NT5DC1: variants seen among roughly 807,000 people sequenced by gnomAD.
NT5DC1 encodes the protein 5'-nucleotidase domain-containing protein 1.
In NT5DC1, 42 loss-of-function variants were observed where a neutral mutation model predicts 59.4. The observed-to-expected ratio is 0.71, with a 90% CI of 0.55 to 0.92. The LOEUF (loss-of-function observed/expected upper bound fraction) is 0.92, where lower values mean the gene tolerates loss of function less well. NT5DC1 is among the 40% of genes least tolerant of loss of function. The probability of loss-of-function intolerance (pLI) is 0.00; values close to 1 mark genes in which losing one functional copy is unlikely to be tolerated. For synonymous variants in NT5DC1, 172 were observed against 188.1 expected, an observed-to-expected ratio of 0.91 and a Z score of 0.70; for missense variants, 501 against 537.1, an observed-to-expected ratio of 0.93 and a Z score of 0.66.
intron 6 of NT5DC1, among the ~76,000 whole-genome samples, chr6:116,182,283 TTTGA>T (rs1180387565): frequency 5.9e-5 from 9 of 151,410 alleles, no homozygotes; most frequent in Admixed American, 1.3e-4. Context: ...TTATCCACTC[TTTGA>T]TTGATGAACA....
At chr6:116,138,315 T>G (rs1297045089) in intron 6 of NT5DC1, among the ~76,000 whole-genome samples, 1 of 152,214 alleles carries the variant, frequency 6.6e-6, no homozygotes, top group Non-Finnish European at 1.5e-5. Context: ...ATATATTTCT[T>G]TAGGATTTAT....
intron 2 of NT5DC1, 62 bp downstream of exon 2, chr6:116,106,397 T>C (rs1778769309): frequency 2.6e-6 from 2 of 757,330 alleles, no homozygotes; most frequent in Admixed American, 4.6e-5. Flanking sequence ...TAATTGTTAC[T>C]GATAAAACTG....
intron 11 of NT5DC1, 106 bp from the exon 12 acceptor site, chr6:116,243,803 T>C: frequency 1.8e-6 from 1 of 543,406 alleles, no homozygotes; most frequent in East Asian, 3.0e-5. Flanking sequence ...AATATTAAAA[T>C]TTTACGTCTA....
chr6:116,228,904 T>C (rs535405754), intron 8 of NT5DC1, among the ~76,000 whole-genome samples: 1 of 152,268 alleles, frequency 6.6e-6, no homozygotes, highest in Admixed American at 6.5e-5. Flanking sequence ...GTCCTTCAGC[T>C]CTCTACCACT....
At chr6:116,130,824 C>T (rs1221706587) in intron 6 of NT5DC1, among the ~76,000 whole-genome samples, 7 of 151,942 alleles carry the variant, frequency 4.6e-5, no homozygotes, top group Non-Finnish European at 8.8e-5. Context: ...TTGTTTATTC[C>T]ATGATACTCA....
chr6:116,184,638 A>G (rs1224869466), intron 6 of NT5DC1, among the ~76,000 whole-genome samples: 1 of 152,006 alleles, frequency 6.6e-6, no homozygotes, highest in African/African-American at 2.4e-5. Context: ...CCAGGAATTT[A>G]TCCATCTCCT....
chr6:116,131,945 A>G (rs1779477766), intron 6 of NT5DC1, among the ~76,000 whole-genome samples: 1 of 152,058 alleles, frequency 6.6e-6, no homozygotes, highest in Non-Finnish European at 1.5e-5. Context: ...CTGTTCCTGT[A>G]TTAGTTTGCT....
At chr6:116,216,452 A>G (rs1372890808) in intron 6 of NT5DC1, among the ~76,000 whole-genome samples, 2 of 151,434 alleles carry the variant, frequency 1.3e-5, no homozygotes, top group Non-Finnish European at 1.5e-5. Flanking sequence ...GAATTTTTGG[A>G]GTAGGGCCGG....
chr6:116,228,145 G>A (rs1781945024), intron 8 of NT5DC1, among the ~76,000 whole-genome samples: 2 of 152,224 alleles, frequency 1.3e-5, no homozygotes, highest in South Asian at 2.1e-4. Context: ...CTGTAATGAA[G>A]ACTGTAAAGT....
At position 116,245,178 on chromosome 6, in the gene NT5DC1, A is replaced by G. The variant is rs1343226006; in HGVS notation, c.*1154A>G. On this transcript the variant is annotated 3_prime_UTR_variant, in exon 12 of 12. Transcript: ENST00000319550. ...TGTTCTATGTGCCGTGTATGGTCAT[A>G]TTAGTAGCTATTTGTTGCAAGATAC... The G allele has an allele frequency of 1.4e-4, 22 of 152,172 alleles. No homozygotes were observed. The highest frequency in any genetic ancestry group is 1.4e-3 in the Admixed American group (22 of 15,274). The allele number at this position is 152,172 out of a possible 1,614,324, so 9.4% of individuals were successfully genotyped here. A position where few individuals can be genotyped will look rare whatever the true frequency, so the allele number is the denominator to read the frequency against.
At chr6:116,140,468 TA>T (rs1230778650) in intron 6 of NT5DC1, among the ~76,000 whole-genome samples, 20 of 152,164 alleles carry the variant, frequency 1.3e-4, no homozygotes, top group African/African-American at 4.8e-4. Context: ...GTATAGTATA[TA>T]TCATTCTTTT....
intron 6 of NT5DC1, among the ~76,000 whole-genome samples, chr6:116,184,874 T>G (rs1283756561): frequency 1.3e-5 from 2 of 152,098 alleles, no homozygotes; most frequent in Non-Finnish European, 1.5e-5. Flanking sequence ...TGTTTCAATT[T>G]TTAGCTTTGC....
At chr6:116,193,730 TCTTTGTTGTTGGA>T (rs1781167647) in intron 6 of NT5DC1, among the ~76,000 whole-genome samples, 1 of 149,872 alleles carries the variant, frequency 6.7e-6, no homozygotes. Flanking sequence ...GAATCTTTCA[TCTTTGTTGTTGGA>T]CTTAAACATA....
rs1434890440 is a variant in NT5DC1, at chr6:116,117,735, TA to T, written c.445-119del. 9 of 604,208 alleles carry T rather than the reference TA, an allele frequency of 1.5e-5. No individual in the cohort carries two copies. In the African/African-American group the frequency reaches 1.7e-4, roughly 11 times the overall value. 37.4% of individuals were successfully genotyped at this position (604,208 alleles called of 1,614,324 possible). ...TCATCACTTTTGTACCATTATAAAA[TA>T]AAAAAATTGTAAGTCTAACCATCTT... On this transcript the variant is annotated intron_variant, in intron 5 of 11. Transcript: ENST00000319550.
rs533141982 is a variant in NT5DC1, at chr6:116,139,232, TG to T, written c.529+21292del. 1.4e-3 allele frequency among the ~76,000 whole-genome samples: 215 copies of T among 152,214 alleles called. 2 individuals are homozygous for T. Among genetic ancestry groups the T allele is most frequent in the Middle Eastern group, 3.4e-3 (1 of 294 alleles). On this transcript the variant is annotated intron_variant, in intron 6 of 11. Transcript: ENST00000319550. ...TGACCTTATCAAAGTGTGGATTTTTTGGGGGAAAGAAGTCTCTCAGTCTACT... is the reference window on the plus strand; with the variant it reads ...TGACCTTATCAAAGTGTGGATTTTTTGGGGAAAGAAGTCTCTCAGTCTACT...
At chr6:116,202,045 A>G (rs1781360132) in intron 6 of NT5DC1, among the ~76,000 whole-genome samples, 1 of 152,028 alleles carries the variant, frequency 6.6e-6, no homozygotes, top group Non-Finnish European at 1.5e-5. Context: ...TGTGGTAGCC[A>G]TTAACCACAT....
intron 6 of NT5DC1, among the ~76,000 whole-genome samples, chr6:116,182,752 A>G (rs1428409782): frequency 6.7e-6 from 1 of 148,438 alleles, no homozygotes; most frequent in Non-Finnish European, 1.5e-5. Flanking sequence ...TTTCTTGCTG[A>G]TATGTTTGAG....
intron 8 of NT5DC1, among the ~76,000 whole-genome samples, chr6:116,225,762 G>A (rs1781894484): frequency 1.3e-5 from 2 of 152,222 alleles, no homozygotes; most frequent in Admixed American, 1.3e-4. Context: ...GTTTTAGCTA[G>A]AAGACAGTGT....
chr6:116,231,714 T>C (rs952415267), intron 8 of NT5DC1, among the ~76,000 whole-genome samples: 4 of 152,222 alleles, frequency 2.6e-5, no homozygotes, highest in African/African-American at 9.6e-5. Context: ...AGAAAAACAT[T>C]GGCAACAACC....
Sources: gnomAD v4.1 joint callset for allele counts (sites outside exome capture counted in the v4.1 genomes callset) on GRCh38, gnomAD v4.1.1 for gene constraint, MANE v1.5 for transcripts, NCBI Gene and HGNC (gene_info 2026-07-23, HGNC 2026-07-21) for gene names.